Variants in UGT2B4 observed in about 807,000 individuals in gnomAD.
UGT2B4 encodes UDP glucuronosyltransferase family 2 member B4.
In UGT2B4, 49 loss-of-function variants were observed where a neutral mutation model predicts 49.8. The ratio of observed to expected loss-of-function variants is 0.98; its 90% confidence interval spans 0.78 to 1.25. The LOEUF is 1.25. Among genes scored for constraint, UGT2B4 ranks in the 50% most tolerant of loss-of-function variants. UGT2B4 has a pLI of 0.00. For synonymous variants in UGT2B4, 246 were observed against 217.7 expected (o/e 1.13, Z -1.14); for missense variants, 729 against 627.7 (o/e 1.16, Z -1.73).
intron 1 of UGT2B4, among the ~76,000 whole-genome samples, chr4:69,512,580 A>G (rs1728633866): frequency 6.6e-6 from 1 of 152,144 alleles, no homozygotes; most frequent in Admixed American, 6.6e-5. Flanking sequence ...CAGTAAGGAA[A>G]TTGCTGGCTC....
At chr4:69,482,913 G>C (rs958931098) in intron 5 of UGT2B4, among the ~76,000 whole-genome samples, 1 of 151,756 alleles carries the variant, frequency 6.6e-6, no homozygotes, top group Non-Finnish European at 1.5e-5. Context: ...TAATTCTGTT[G>C]CTGTGTAGTA....
intron 1 of UGT2B4, chr4:69,517,643 C>T (rs948592243): frequency 6.6e-6 from 1 of 152,496 alleles, no homozygotes; most frequent in Non-Finnish European, 1.5e-5. Context: ...TTTTGTGATA[C>T]TTACGTTAAA....
chr4:69,513,477 G>C (rs1432312058), intron 1 of UGT2B4, among the ~76,000 whole-genome samples: 1 of 152,120 alleles, frequency 6.6e-6, no homozygotes. Context: ...TGCTGTTTTG[G>C]TTACTGTAGC....
intron 5 of UGT2B4, among the ~76,000 whole-genome samples, chr4:69,483,275 A>C (rs1577878920): frequency 6.6e-6 from 1 of 152,068 alleles, no homozygotes; most frequent in Non-Finnish European, 1.5e-5. Flanking sequence ...CTGAATCTTG[A>C]TTTATGACCC....
At chr4:69,523,002 T>C (rs1330716592) in intron 1 of UGT2B4, among the ~76,000 whole-genome samples, 1 of 152,192 alleles carries the variant, frequency 6.6e-6, no homozygotes, top group African/African-American at 2.4e-5. Flanking sequence ...AGTTTCATCA[T>C]GAGATTGCAA....
chr4:69,486,731 T>A, intron 3 of UGT2B4, 35 bp from the exon 4 acceptor site: 3 of 1,496,860 alleles, frequency 2.0e-6, no homozygotes, highest in Non-Finnish European at 9.2e-7. Flanking sequence ...ATTCCATGAG[T>A]GGAACTCAAA....
chr4:69,520,356 G>A (rs542919736), intron 1 of UGT2B4, among the ~76,000 whole-genome samples: 10 of 152,338 alleles, frequency 6.6e-5, no homozygotes, highest in Admixed American at 1.3e-4. Context: ...TGCTGAGGCT[G>A]CATGCTCCAC....
chr4:69,506,856 A>G (rs1282554501), intron 1 of UGT2B4, among the ~76,000 whole-genome samples: 1 of 152,194 alleles, frequency 6.6e-6, no homozygotes, highest in African/African-American at 2.4e-5. Flanking sequence ...TCAGCAGCAT[A>G]TCAAAAAGCT....
At chr4:69,514,777 T>C (rs529643517) in intron 1 of UGT2B4, among the ~76,000 whole-genome samples, 1 of 152,340 alleles carries the variant, frequency 6.6e-6, no homozygotes, top group East Asian at 1.9e-4. Context: ...TTGCATATGT[T>C]GAACCACCCT....
intron 5 of UGT2B4, among the ~76,000 whole-genome samples, 181 bp from the exon 6 acceptor site, chr4:69,481,091 G>GAAAAAAAAAAAAA (rs57494102): frequency 1.2e-4 from 8 of 67,814 alleles, no homozygotes; most frequent in Admixed American, 2.5e-4. Flanking sequence ...GTAAAAATAT[G>GAAAAAAAAAAAAA]AAAAAAAAAA....
chr4:69,521,378 C>A (rs2109834703), intron 1 of UGT2B4, among the ~76,000 whole-genome samples: 1 of 152,334 alleles, frequency 6.6e-6, no homozygotes, highest in Non-Finnish European at 1.5e-5. Flanking sequence ...TCTGCAGTTC[C>A]TGATGTCTCC....
chr4:69,500,486 A>G (rs960651392), upstream of UGT2B4, among the ~76,000 whole-genome samples: 1 of 148,402 alleles, frequency 6.7e-6, no homozygotes, highest in Non-Finnish European at 1.5e-5. Context: ...GAAGAAAAGA[A>G]AGAAAGCAAG....
rs147029948 is a variant in UGT2B4 at position 69,512,756 on chromosome 4, T to C, written c.-106+12931A>G. 4.2e-3 allele frequency among the ~76,000 whole-genome samples: 641 copies of C among 152,264 alleles called. 6 individuals carry two copies. The highest frequency in any genetic ancestry group is 0.013 in the African/African-American group (551 of 41,560). On this transcript the variant is annotated intron_variant, in intron 1 of 1. Coordinates refer to the UGT2B4 transcript ENST00000510114. ...TTTGTTTGTTTTGTTTTGTTTTGTTTGACTTTTGTATAATAGCCATTTGCA... is the reference window on the plus strand; with the variant it reads ...TTTGTTTGTTTTGTTTTGTTTTGTTCGACTTTTGTATAATAGCCATTTGCA...
chr4:69,480,834 A>G lies in UGT2B4; in HGVS notation c.1387T>C (p.Trp463Arg), dbSNP rs1448783784. ...PVKPLDRAVF[W>R]IEFVMRHKGA... The stretch of plus-strand genomic sequence containing the variant: ...TTATGGCGCATGACAAATTCAATCC[A>G]GAAGACTGCTCGATCAAGGGGCTTC... Residue 463 changes from tryptophan (W) to arginine (R), a missense_variant, in exon 6 of 6, where the codon TGG becomes CGG. Coordinates refer to ENST00000305107, the MANE Select transcript of UGT2B4 (RefSeq NM_021139.3). 1.9e-6 allele frequency: 3 copies of G among 1,613,958 alleles called. No homozygotes were observed. Among genetic ancestry groups the G allele is most frequent in the Non-Finnish European group, 1.7e-6 (2 of 1,179,850 alleles).
intron 3 of UGT2B4, among the ~76,000 whole-genome samples, chr4:69,489,001 G>A (rs1727899895): frequency 6.6e-6 from 1 of 152,106 alleles, no homozygotes; most frequent in African/African-American, 2.4e-5. Flanking sequence ...CATGATGCAT[G>A]TCAGCCTTTT....
intron 1 of UGT2B4, among the ~76,000 whole-genome samples, chr4:69,524,553 A>C (rs1317320678): frequency 5.3e-5 from 8 of 152,114 alleles, no homozygotes. Context: ...AGCTCAACAT[A>C]AGGAATATAG....
chr4:69,524,179 C>G (rs937279036), intron 1 of UGT2B4, among the ~76,000 whole-genome samples: 2 of 152,060 alleles, frequency 1.3e-5, no homozygotes, highest in Admixed American at 6.6e-5. Flanking sequence ...CTTTCAATAA[C>G]TTTTTGTTTC....
intron 2 of UGT2B4, among the ~76,000 whole-genome samples, chr4:69,493,036 C>T (rs1577887738): frequency 1.3e-5 from 2 of 152,134 alleles, no homozygotes; most frequent in African/African-American, 2.4e-5. Flanking sequence ...GAGTATCTGG[C>T]TCTTATCTTG....
At chr4:69,481,513 AT>A (rs1400259538) in intron 5 of UGT2B4, among the ~76,000 whole-genome samples, 4 of 151,916 alleles carry the variant, frequency 2.6e-5, no homozygotes, top group African/African-American at 4.8e-5. Context: ...GAGCAATTTT[AT>A]TTTCTTTTAA....
Sources: allele counts gnomAD v4.1 joint callset (sites outside exome capture counted in the v4.1 genomes callset), GRCh38; gene constraint gnomAD v4.1.1; transcripts MANE v1.5; gene names NCBI Gene and HGNC (gene_info 2026-07-23, HGNC 2026-07-21).